PAN3: variants seen among roughly 807,000 people sequenced by gnomAD.
PAN3 encodes the protein PAN2-PAN3 deadenylation complex subunit PAN3.
PAN3 carries 19 observed loss-of-function variants against 96.2 expected under a neutral mutation model. That is an observed-to-expected ratio of 0.20 (90% confidence interval 0.14 to 0.29). The LOEUF (loss-of-function observed/expected upper bound fraction) is 0.29, where lower values mean the gene tolerates loss of function less well. PAN3 is among the 10% of genes least tolerant of loss of function. The pLI is 1.00. For missense variants in PAN3, 882 were observed against 1,108.1 expected (o/e 0.80, Z 2.90); for synonymous variants, 433 against 406.6 (o/e 1.06, Z -0.78).
At chr13:28,194,769 C>A (rs1228458195) in intron 4 of PAN3, among the ~76,000 whole-genome samples, 1 of 151,914 alleles carries the variant, frequency 6.6e-6, no homozygotes, top group Non-Finnish European at 1.5e-5. Context: ...CGTTCCCGGC[C>A]AAATATAAAT....
chr13:28,209,502 A>G (rs959732476), intron 5 of PAN3, among the ~76,000 whole-genome samples: 1 of 152,234 alleles, frequency 6.6e-6, no homozygotes, highest in Admixed American at 6.5e-5. Context: ...TTTAATAAAA[A>G]TATATCAACT....
At chr13:28,258,809 A>AC (rs1885431380) in intron 7 of PAN3, among the ~76,000 whole-genome samples, 1 of 152,172 alleles carries the variant, frequency 6.6e-6, no homozygotes, top group African/African-American at 2.4e-5. Flanking sequence ...CTGATATAGA[A>AC]TGACATAGTA....
In PAN3 at chr13:28,212,919, C is replaced by T. The variant is rs183262040; in HGVS notation, c.853-7312C>T. ...TTTAAGAAATAATGGGCAACATTTT[C>T]CAAACTTGATGAAGCTGTAAACCCA... On this transcript the variant is annotated intron_variant, in intron 5 of 18. Coordinates refer to ENST00000380958, the MANE Select transcript of PAN3 (RefSeq NM_175854.8). Among the ~76,000 whole-genome samples, 38 of 152,162 alleles carry T rather than the reference C, an allele frequency of 2.5e-4. No homozygotes were observed. The East Asian group carries it at 4.4e-3, about 18-fold the overall frequency.
intron 1 of PAN3, among the ~76,000 whole-genome samples, chr13:28,144,055 C>T (rs183635414): frequency 6.6e-6 from 1 of 152,074 alleles, no homozygotes; most frequent in South Asian, 2.1e-4. Context: ...GTTCATTTCA[C>T]TCATTTAATA....
At chr13:28,172,046 A>C (rs536469180) in intron 1 of PAN3, among the ~76,000 whole-genome samples, 1 of 152,330 alleles carries the variant, frequency 6.6e-6, no homozygotes, top group Non-Finnish European at 1.5e-5. Context: ...TGAACAAAAG[A>C]TGCTCCTAGT....
chr13:28,235,690 C>CACAT (rs1555285756), intron 6 of PAN3, among the ~76,000 whole-genome samples: 2 of 104,734 alleles, frequency 1.9e-5, no homozygotes, highest in African/African-American at 3.8e-5. Flanking sequence ...TATACACACA[C>CACAT]ACACATACAC....
intron 1 of PAN3, among the ~76,000 whole-genome samples, chr13:28,152,213 C>T (rs1319832640): frequency 6.6e-6 from 1 of 151,938 alleles, no homozygotes; most frequent in Non-Finnish European, 1.5e-5. Context: ...TAAAACTAGC[C>T]CTTAAAAAAA....
intron 15 of PAN3, among the ~76,000 whole-genome samples, chr13:28,279,793 G>GT (rs1293824410): frequency 6.6e-6 from 1 of 151,312 alleles, no homozygotes; most frequent in Non-Finnish European, 1.5e-5. Flanking sequence ...ATTTATTTTT[G>GT]TTTTTTGTTT....
intron 5 of PAN3, chr13:28,215,439 C>T (rs1880620543): frequency 1.4e-6 from 1 of 702,580 alleles, no homozygotes; most frequent in African/African-American, 1.8e-5. Flanking sequence ...TTATGGGCTT[C>T]AATGTTATGA....
chr13:28,201,781 T>TTG (rs1162740701), intron 5 of PAN3, among the ~76,000 whole-genome samples: 1 of 152,166 alleles, frequency 6.6e-6, no homozygotes, highest in East Asian at 1.9e-4. Context: ...TTGCTTTTTC[T>TTG]TGTATGTCAT....
chr13:28,268,832 C>T (rs1327079727), intron 12 of PAN3, among the ~76,000 whole-genome samples: 1 of 151,752 alleles, frequency 6.6e-6, no homozygotes, highest in African/African-American at 2.4e-5. Flanking sequence ...TGCATCCTGA[C>T]AGTTGAAAAA....
chr13:28,180,262 G>T (rs1217638536), intron 4 of PAN3, among the ~76,000 whole-genome samples: 2 of 152,128 alleles, frequency 1.3e-5, no homozygotes, highest in African/African-American at 2.4e-5. Flanking sequence ...CTAGAAATTT[G>T]TGGTTCATAT....
At chr13:28,249,441 G>A (rs982995837) in intron 6 of PAN3, among the ~76,000 whole-genome samples, 1 of 151,826 alleles carries the variant, frequency 6.6e-6, no homozygotes. Context: ...AAATATTAAC[G>A]CAAGATTTTT....
chr13:28,265,552 A>G (rs1886090571), intron 9 of PAN3, among the ~76,000 whole-genome samples: 1 of 152,198 alleles, frequency 6.6e-6, no homozygotes, highest in Non-Finnish European at 1.5e-5. Flanking sequence ...AGGGAATTCT[A>G]CCTCATGGAA....
intron 1 of PAN3, among the ~76,000 whole-genome samples, chr13:28,146,752 C>T (rs560419727): frequency 7.2e-5 from 11 of 152,182 alleles, no homozygotes; most frequent in Admixed American, 3.9e-4. Flanking sequence ...CCAAGGCAGG[C>T]GGATCATGAG....
intron 1 of PAN3, among the ~76,000 whole-genome samples, chr13:28,153,103 G>C (rs759969758): frequency 1.3e-5 from 2 of 152,016 alleles, no homozygotes; most frequent in Non-Finnish European, 2.9e-5. Flanking sequence ...TGAAATTCCC[G>C]TTAGTAAGGG....
chr13:28,210,232 C>G (rs1400821275), intron 5 of PAN3, among the ~76,000 whole-genome samples: 3 of 152,168 alleles, frequency 2.0e-5, no homozygotes, highest in African/African-American at 7.2e-5. Context: ...TCTATAATGT[C>G]AAGCTGTTAT....
intron 5 of PAN3, chr13:28,215,262 C>T: frequency 1.4e-6 from 1 of 709,218 alleles, no homozygotes; most frequent in Non-Finnish European, 2.6e-6. Flanking sequence ...GCACCAGCCT[C>T]TCCAGGGTGT....
At chr13:28,240,855 T>C (rs530601359) in intron 6 of PAN3, among the ~76,000 whole-genome samples, 5 of 152,292 alleles carry the variant, frequency 3.3e-5, no homozygotes, top group African/African-American at 1.2e-4. Flanking sequence ...GATGGTGAAG[T>C]GGTTGGTTTT....
Sources: gnomAD v4.1 joint callset for allele counts (sites outside exome capture counted in the v4.1 genomes callset) on GRCh38, gnomAD v4.1.1 for gene constraint, MANE v1.5 for transcripts, NCBI Gene and HGNC (gene_info 2026-07-23, HGNC 2026-07-21) for gene names.